Variants in EPS15L1 observed in about 807,000 individuals in gnomAD.
The protein encoded by EPS15L1 is epidermal growth factor receptor pathway substrate 15 like 1.
Under a neutral mutation model 117.1 loss-of-function variants are expected in EPS15L1, and 43 were observed. The ratio of observed to expected loss-of-function variants is 0.37; its 90% CI spans 0.29 to 0.47. The LOEUF (loss-of-function observed/expected upper bound fraction) is 0.47. Ranked by LOEUF, EPS15L1 falls within the 20% of genes least tolerant of loss-of-function variation. EPS15L1 has a pLI of 0.99. For missense variants in EPS15L1, 981 were observed against 1,164.0 expected, an observed-to-expected ratio of 0.84 and a Z score of 2.29; for synonymous variants, 459 against 470.5, an observed-to-expected ratio of 0.98 and a Z score of 0.32.
chr19:16,361,620 G>A, intron 23 of EPS15L1, 159 bp downstream of exon 23: 1 of 1,328,860 alleles, frequency 7.5e-7, no homozygotes, highest in East Asian at 2.8e-5. Context: ...TTTTCTTACA[G>A]AAGTGGCAGT....
At chr19:16,382,872 C>A (rs1304560247) in intron 21 of EPS15L1, 4 of 152,008 alleles carry the variant, frequency 2.6e-5, no homozygotes, top group Non-Finnish European at 1.5e-5. Context: ...AGCAAAGCCA[C>A]GCAGAGGTAA....
At chr19:16,390,741 A>G (rs2092466512) in intron 19 of EPS15L1, among the ~76,000 whole-genome samples, 1 of 152,240 alleles carries the variant, frequency 6.6e-6, no homozygotes, top group Admixed American at 6.5e-5. Flanking sequence ...CATACTTTTA[A>G]GTAATCCATA....
chr19:16,417,267 C>T (rs2092767046), intron 12 of EPS15L1, among the ~76,000 whole-genome samples: 1 of 152,160 alleles, frequency 6.6e-6, no homozygotes, highest in African/African-American at 2.4e-5. Flanking sequence ...CAGGCTCTGC[C>T]CACGACCTGC....
At position 16,418,103 on chromosome 19, in the gene EPS15L1, C is replaced by A; in HGVS notation, c.952G>T (p.Ala318Ser). ...CCCGTTTGCCTCGTATCGGCCAGGG[C>A]CCTGGGAGAAACGTGGGGATGCTAA... Reference protein sequence around the residue: ...LTQNLLAHIWALADTRQTGKL... With the variant: ...LTQNLLAHIWSLADTRQTGKL... The change falls in exon 11 of 24, where the codon GCC becomes TCC. Residue 318 changes from alanine to serine, a missense_variant and splice_region_variant. Physicochemically the swap from Ala to Ser is moderately conservative, Grantham distance 99. This residue lies in a region of EPS15L1 where 819 missense variants were observed against 949.0 expected (regional missense o/e 0.86). Transcript: ENST00000455140. The A allele has an allele frequency of 6.2e-7, 1 of 1,611,814 alleles. No individual in the cohort carries two copies. The highest frequency in any genetic ancestry group is 8.5e-7 in the Non-Finnish European group (1 of 1,178,704).
intron 13 of EPS15L1, among the ~76,000 whole-genome samples, chr19:16,408,250 C>T (rs189267455): frequency 1.2e-4 from 18 of 152,202 alleles, no homozygotes; most frequent in Admixed American, 3.3e-4. Context: ...ACAAAAATAA[C>T]CCCAACAGTC....
intron 1 of EPS15L1, among the ~76,000 whole-genome samples, chr19:16,462,737 G>C (rs1422617643): frequency 6.6e-6 from 1 of 152,168 alleles, no homozygotes; most frequent in East Asian, 1.9e-4. Flanking sequence ...GGGCCAGGAA[G>C]CTGTGAAGAT....
At chr19:16,441,737 G>T in intron 3 of EPS15L1, 155 bp downstream of exon 3, 1 of 537,776 alleles carries the variant, frequency 1.9e-6, no homozygotes. Context: ...TGGGCATTTG[G>T]ATCCACCAGC....
At chr19:16,441,329 G>A (rs758726798) in intron 3 of EPS15L1, 47 of 209,790 alleles carry the variant, frequency 2.2e-4, no homozygotes, top group Non-Finnish European at 3.8e-4. Context: ...AAAATTAGCC[G>A]GGCGTGGTGG....
In EPS15L1 at chr19:16,458,883, G is replaced by C. The variant is rs140970265; in HGVS notation, c.33+13030C>G. Among the ~76,000 whole-genome samples, 231 of 152,276 alleles carry C rather than the reference G, an allele frequency of 1.5e-3. 6 individuals are homozygous for C. In the East Asian group the frequency reaches 0.04, roughly 27 times the overall value. On this transcript the variant is annotated intron_variant, in intron 1 of 23. Transcript: ENST00000455140. ...TGCAGTCATGCATCGTTTAACTACA[G>C]GGATGCGTCCTGAGAGTTGCATCGT...
intron 23 of EPS15L1, among the ~76,000 whole-genome samples, chr19:16,359,766 G>A (rs1339334778): frequency 6.6e-6 from 1 of 152,088 alleles, no homozygotes; most frequent in Non-Finnish European, 1.5e-5. Flanking sequence ...GGAGGCTGAG[G>A]TGGGACGATT....
intron 19 of EPS15L1, among the ~76,000 whole-genome samples, chr19:16,391,655 T>G (rs530684879): frequency 2.0e-5 from 3 of 150,898 alleles, no homozygotes; most frequent in Non-Finnish European, 4.4e-5. Context: ...GAAATCCAAG[T>G]TGACACCTAT....
intron 1 of EPS15L1, among the ~76,000 whole-genome samples, chr19:16,451,670 A>G (rs1386610494): frequency 6.6e-6 from 1 of 151,714 alleles, no homozygotes; most frequent in African/African-American, 2.4e-5. Flanking sequence ...CTGAGACTAC[A>G]GGTGCCCGCC....
chr19:16,454,990 G>GT (rs769678123), intron 1 of EPS15L1, among the ~76,000 whole-genome samples: 38 of 152,120 alleles, frequency 2.5e-4, no homozygotes, highest in Non-Finnish European at 4.7e-4. Flanking sequence ...TTAGCCAGGT[G>GT]TGGTGGCGCA....
chr19:16,404,417 G>A lies in EPS15L1; in HGVS notation c.1428+171C>T, dbSNP rs901554625. ...TTCTAGGAGTACAGGGGGGTGGCCA[G>A]GAAGTCAAGCCACAGGTGCTTGGAC... On this transcript the variant is annotated intron_variant, in intron 14 of 23. Coordinates refer to ENST00000455140, the MANE Select transcript of EPS15L1 (RefSeq NM_001258374.3). This position sits in a 1 kb window ranked among gnomAD's most constrained non-coding sequence, Gnocchi z 4.2. Among the ~76,000 whole-genome samples the A allele has an allele frequency of 2.6e-5, 4 of 152,180 alleles. No individual in the cohort carries two copies. The South Asian group carries it at 8.3e-4, about 32-fold the overall frequency.
At chr19:16,372,022 T>C (rs1320428422) in intron 22 of EPS15L1, among the ~76,000 whole-genome samples, 1 of 152,242 alleles carries the variant, frequency 6.6e-6, no homozygotes, top group Non-Finnish European at 1.5e-5. Context: ...ATTTAATACC[T>C]TGATACACCT....
chr19:16,360,374 G>A (rs1159466543), intron 23 of EPS15L1, among the ~76,000 whole-genome samples: 1 of 152,030 alleles, frequency 6.6e-6, no homozygotes, highest in African/African-American at 2.4e-5. Context: ...CCCCCAGTGC[G>A]CATCTAGGGT....
At chr19:16,442,724 C>T (rs575655392) in intron 1 of EPS15L1, among the ~76,000 whole-genome samples, 6 of 152,358 alleles carry the variant, frequency 3.9e-5, no homozygotes, top group East Asian at 1.9e-4. Context: ...TGCTCAGAGA[C>T]GCACACTGAC....
intron 22 of EPS15L1, 112 bp downstream of exon 22, chr19:16,377,010 C>T: frequency 7.3e-7 from 1 of 1,369,730 alleles, no homozygotes; most frequent in Non-Finnish European, 9.9e-7. Flanking sequence ...TTGCTCCCCA[C>T]ACAGGGTCCC....
At chr19:16,460,142 G>A (rs749259429) in intron 1 of EPS15L1, among the ~76,000 whole-genome samples, 3 of 152,218 alleles carry the variant, frequency 2.0e-5, no homozygotes, top group South Asian at 2.1e-4. Context: ...TTAGCTGGGC[G>A]TGGTGGTGTG....
Sources: gnomAD v4.1 joint callset for allele counts (sites outside exome capture counted in the v4.1 genomes callset) on GRCh38, gnomAD v4.1.1 for gene constraint, gnomAD v4.1.1 regional missense constraint, Gnocchi (gnomAD v3.1) non-coding constraint, MANE v1.5 for transcripts, NCBI Gene and HGNC (gene_info 2026-07-23, HGNC 2026-07-21) for gene names.